Variants in FOXN3 observed in about 807,000 individuals in gnomAD.
FOXN3 encodes forkhead box N3, also known as forkhead box protein N3.
Under a neutral mutation model 38.4 loss-of-function variants are expected in FOXN3, and 7 were observed. The ratio of observed to expected loss-of-function variants is 0.18; its 90% confidence interval spans 0.10 to 0.34. The LOEUF (loss-of-function observed/expected upper bound fraction) is 0.34, where lower values mean the gene tolerates loss of function less well. Ranked by LOEUF, FOXN3 falls within the 10% of genes least tolerant of loss-of-function variation. The pLI, the probability that FOXN3 is intolerant of heterozygous loss-of-function variation, is 1.00. For synonymous variants in FOXN3, 230 were observed against 242.2 expected (o/e 0.95, Z 0.47); for missense variants, 456 against 613.4 (o/e 0.74, Z 2.71).
chr14:89,383,381 A>G (rs952789310), intron 2 of FOXN3, among the ~76,000 whole-genome samples: 3 of 152,216 alleles, frequency 2.0e-5, no homozygotes, highest in Non-Finnish European at 4.4e-5. Flanking sequence ...ATCAGAGGTG[A>G]GTGTATTGCA....
intron 3 of FOXN3, among the ~76,000 whole-genome samples, chr14:89,334,000 A>C (rs1366858684): frequency 1.7e-5 from 1 of 58,642 alleles, no homozygotes; most frequent in South Asian, 7.5e-4. Flanking sequence ...ATATATATAT[A>C]TATATATATG....
At chr14:89,359,810 T>C (rs1046278348) in intron 2 of FOXN3, among the ~76,000 whole-genome samples, 2 of 152,132 alleles carry the variant, frequency 1.3e-5, no homozygotes, top group African/African-American at 2.4e-5. Flanking sequence ...CAGCCTGACT[T>C]AGAGAATAAA....
At chr14:89,440,775 G>T (rs1020110998) in intron 1 of FOXN3, among the ~76,000 whole-genome samples, 7 of 152,202 alleles carry the variant, frequency 4.6e-5, no homozygotes, top group Non-Finnish European at 1.0e-4. Flanking sequence ...AGCCTGTTTG[G>T]TGGTCTCTTC....
intron 1 of FOXN3, among the ~76,000 whole-genome samples, chr14:89,577,939 A>G (rs945025133): frequency 6.6e-6 from 1 of 152,220 alleles, no homozygotes; most frequent in African/African-American, 2.4e-5. Context: ...ACAGCAGGTT[A>G]CTCAGGCAAA....
intron 1 of FOXN3, among the ~76,000 whole-genome samples, chr14:89,583,918 G>A (rs1352917006): frequency 6.6e-6 from 1 of 151,846 alleles, no homozygotes; most frequent in Non-Finnish European, 1.5e-5. Flanking sequence ...GTGCAGTGGT[G>A]TGATCTCGAC....
At chr14:89,413,047 C>G (rs1474524011) in intron 1 of FOXN3, among the ~76,000 whole-genome samples, 1 of 152,136 alleles carries the variant, frequency 6.6e-6, no homozygotes, top group Non-Finnish European at 1.5e-5. Context: ...TTCTATCCCT[C>G]CACCCCGACC....
At chr14:89,402,381 C>G (rs892374893) in intron 2 of FOXN3, among the ~76,000 whole-genome samples, 1 of 152,204 alleles carries the variant, frequency 6.6e-6, no homozygotes, top group Admixed American at 6.5e-5. Context: ...CATCTCTCTC[C>G]GTCCTTTCCT....
At chr14:89,201,661 CG>C (rs1555410038) in intron 4 of FOXN3, among the ~76,000 whole-genome samples, 1 of 152,176 alleles carries the variant, frequency 6.6e-6, no homozygotes, top group Non-Finnish European at 1.5e-5. Flanking sequence ...GGCCTGGGCA[CG>C]GCCAGCCAGG....
intron 1 of FOXN3, among the ~76,000 whole-genome samples, chr14:89,488,242 C>T (rs1893492398): frequency 6.6e-6 from 1 of 152,030 alleles, no homozygotes; most frequent in South Asian, 2.1e-4. Context: ...ACCACCACAC[C>T]GGGCTAATTT....
chr14:89,517,483 C>T (rs1253287076), intron 1 of FOXN3, among the ~76,000 whole-genome samples: 1 of 152,042 alleles, frequency 6.6e-6, no homozygotes, highest in African/African-American at 2.4e-5. Context: ...GGGAAGCAGG[C>T]TCATTGTACA....
intron 4 of FOXN3, among the ~76,000 whole-genome samples, chr14:89,222,502 G>A (rs547128012): frequency 2.0e-5 from 3 of 152,306 alleles, no homozygotes; most frequent in East Asian, 1.9e-4. Context: ...AATGTTTACC[G>A]TGAATCTAAG....
chr14:89,214,184 G>A (rs1448347001), intron 4 of FOXN3, among the ~76,000 whole-genome samples: 5 of 152,178 alleles, frequency 3.3e-5, no homozygotes. Flanking sequence ...GATGGCCACT[G>A]TTTCCTTATC....
intron 1 of FOXN3, among the ~76,000 whole-genome samples, chr14:89,530,963 CAT>C (rs1297882635): frequency 6.8e-6 from 1 of 146,850 alleles, no homozygotes; most frequent in Non-Finnish European, 1.5e-5. Context: ...CATATATACA[CAT>C]ATATAATATA....
chr14:89,555,872 TGTGTATGTGG>T (rs1265812898), intron 1 of FOXN3, among the ~76,000 whole-genome samples: 7 of 122,210 alleles, frequency 5.7e-5, no homozygotes, highest in South Asian at 3.1e-4. Flanking sequence ...TGTGTGTGTG[TGTGTATGTGG>T]GGGTGTATGT....
chr14:89,548,022 CA>C lies in FOXN3; in HGVS notation c.-15+71005del, dbSNP rs1486615094. Among the ~76,000 whole-genome samples, 3 of 152,120 alleles carry C rather than the reference CA, an allele frequency of 2.0e-5. No homozygotes were observed. Among genetic ancestry groups the C allele is most frequent in the Non-Finnish European group, 2.9e-5 (2 of 68,022 alleles). On this transcript the variant is annotated intron_variant, in intron 1 of 6. Transcript: ENST00000345097. The surrounding 1 kb of genome is among the most constrained non-coding windows in gnomAD (Gnocchi z 4.8). Reference sequence around the variant, plus strand: ...AGTAGGAGGTGGAAGGGGGAACTGGCAAAGGGAAAATACTTTCTCTTGTTCA... The same window carrying C: ...AGTAGGAGGTGGAAGGGGGAACTGGCAAGGGAAAATACTTTCTCTTGTTCA...
intron 1 of FOXN3, among the ~76,000 whole-genome samples, chr14:89,523,597 A>G (rs1468533505): frequency 6.6e-6 from 1 of 152,248 alleles, no homozygotes. Flanking sequence ...TAAATAATCC[A>G]TGGATCAAAG....
intron 4 of FOXN3, among the ~76,000 whole-genome samples, chr14:89,244,386 A>G (rs1297751832): frequency 6.6e-6 from 1 of 152,200 alleles, no homozygotes; most frequent in Non-Finnish European, 1.5e-5. Flanking sequence ...CTTAGTAAGC[A>G]AAGAGACACA....
At chr14:89,239,402 C>T (rs1455258273) in intron 4 of FOXN3, among the ~76,000 whole-genome samples, 2 of 152,154 alleles carry the variant, frequency 1.3e-5, no homozygotes, top group African/African-American at 4.8e-5. Context: ...TTACATCTTT[C>T]CCATTTAGAA....
chr14:89,177,816 A>AC (rs1887563049), intron 5 of FOXN3, among the ~76,000 whole-genome samples: 4 of 152,054 alleles, frequency 2.6e-5, no homozygotes, highest in African/African-American at 9.7e-5. Context: ...GCTGCTTCCT[A>AC]GTCCCTGCCC....
Sources: allele counts gnomAD v4.1 joint callset (sites outside exome capture counted in the v4.1 genomes callset), GRCh38; gene constraint gnomAD v4.1.1; non-coding constraint Gnocchi (gnomAD v3.1); transcripts MANE v1.5; gene names NCBI Gene and HGNC (gene_info 2026-07-23, HGNC 2026-07-21).